The following DNAH6 variants were observed in gnomAD, a reference collection of about 807,000 sequenced individuals.
The protein encoded by DNAH6 is dynein axonemal heavy chain 6.
DNAH6 carries 340 observed loss-of-function variants against 491.4 expected under a neutral mutation model. The observed-to-expected ratio is 0.69, with a 90% CI of 0.63 to 0.76. DNAH6 has a LOEUF of 0.76. Ranked by LOEUF, DNAH6 falls within the 30% of genes least tolerant of loss-of-function variation. DNAH6 has a pLI of 0.00. For missense variants in DNAH6, 4,443 were observed against 4,972.2 expected (o/e 0.89, Z 3.20); for synonymous variants, 1,603 against 1,686.1 (o/e 0.95, Z 1.21).
chr2:84,565,328 C>CT lies in DNAH6; in HGVS notation c.1803+7404dup, dbSNP rs34618591. Among the ~76,000 whole-genome samples, 174 of 147,410 alleles carry CT rather than the reference C, an allele frequency of 1.2e-3. 1 individual carries two copies. Among genetic ancestry groups the CT allele is most frequent in the African/African-American group, 3.8e-3 (152 of 39,968 alleles). ...GACTGTGAATCCATCTGGTCCAGGGCTTTTTTTTTTTGTAGTTTTTTTATA... is the reference window on the plus strand; with the variant it reads ...GACTGTGAATCCATCTGGTCCAGGGCTTTTTTTTTTTTGTAGTTTTTTTATA... On this transcript the variant is annotated intron_variant, in intron 11 of 76. Coordinates refer to ENST00000389394, the MANE Select transcript of DNAH6 (RefSeq NM_001370.2).
chr2:84,693,080 C>T (rs1236752483), intron 45 of DNAH6, among the ~76,000 whole-genome samples: 1 of 152,076 alleles, frequency 6.6e-6, no homozygotes. Flanking sequence ...GGTTCAGTCC[C>T]AGTGGTTTCT....
At position 84,813,859 on chromosome 2, in the gene DNAH6, T is replaced by G; in HGVS notation, c.11999-112T>G. 5 of 1,076,586 alleles carry G rather than the reference T, an allele frequency of 4.6e-6. No individual in the cohort carries two copies. The Admixed American group carries it at 6.9e-5, about 15-fold the overall frequency. 66.7% of individuals were successfully genotyped at this position (1,076,586 alleles called of 1,614,324 possible). ...AAGGTATTAAGAGTTGGGTCTTCTCTGTGGTGGGAAGGCTCTCTAATGCCA... is the reference window on the plus strand; with the variant it reads ...AAGGTATTAAGAGTTGGGTCTTCTCGGTGGTGGGAAGGCTCTCTAATGCCA... On this transcript the variant is annotated intron_variant, in intron 74 of 76. Coordinates refer to ENST00000389394, the MANE Select transcript of DNAH6 (RefSeq NM_001370.2).
intron 64 of DNAH6, chr2:84,777,801 T>C: frequency 1.8e-6 from 2 of 1,109,844 alleles, no homozygotes; most frequent in Non-Finnish European, 2.8e-6. Flanking sequence ...AAGCCACTTA[T>C]CTTCCAAGCC....
At chr2:84,609,666 C>T (rs1264049570) in intron 21 of DNAH6, among the ~76,000 whole-genome samples, 1 of 130,256 alleles carries the variant, frequency 7.7e-6, no homozygotes, top group Non-Finnish European at 1.8e-5. Flanking sequence ...ATCACCATAA[C>T]AGATATAATA....
intron 18 of DNAH6, 106 bp from the exon 19 acceptor site, chr2:84,604,233 G>T: frequency 1.2e-6 from 1 of 819,028 alleles, no homozygotes. Context: ...AAGAGGGTAA[G>T]TGGTGCTCTT....
chr2:84,570,369 C>A (rs1202208551), intron 11 of DNAH6, among the ~76,000 whole-genome samples: 5 of 152,166 alleles, frequency 3.3e-5, no homozygotes, highest in Non-Finnish European at 5.9e-5. Context: ...CTGTGTCTAG[C>A]TAGAGGATTG....
the DNAH6 span, among the ~76,000 whole-genome samples, chr2:84,468,806 T>C: frequency 6.6e-6 from 1 of 152,190 alleles, no homozygotes; most frequent in Non-Finnish European, 1.5e-5. Context: ...TATGATTTTT[T>C]AGAGCTAACT....
At chr2:84,648,775 T>A (rs1323506629) in intron 33 of DNAH6, among the ~76,000 whole-genome samples, 3 of 152,176 alleles carry the variant, frequency 2.0e-5, no homozygotes, top group Non-Finnish European at 2.9e-5. Flanking sequence ...GCTGTGAACG[T>A]TGTTAAAATG....
intron 52 of DNAH6, 65 bp downstream of exon 52, chr2:84,705,812 C>T (rs1258886910): frequency 1.4e-6 from 2 of 1,480,016 alleles, no homozygotes; most frequent in Non-Finnish European, 1.8e-6. Context: ...ATTTCAAGTT[C>T]TCTGTATAAT....
At chr2:84,490,813 C>G in the DNAH6 span, among the ~76,000 whole-genome samples, 1 of 152,126 alleles carries the variant, frequency 6.6e-6, no homozygotes. Context: ...CCACCCACCT[C>G]CACCTCCCAA....
the DNAH6 span, among the ~76,000 whole-genome samples, chr2:84,479,189 T>A: frequency 6.6e-6 from 1 of 152,206 alleles, no homozygotes; most frequent in Non-Finnish European, 1.5e-5. Flanking sequence ...AGGCACAGGA[T>A]CGGGTTCAGG....
intron 68 of DNAH6, among the ~76,000 whole-genome samples, chr2:84,788,374 A>G (rs1677418561): frequency 6.6e-6 from 1 of 152,210 alleles, no homozygotes; most frequent in Non-Finnish European, 1.5e-5. Flanking sequence ...GTAAAAAGTA[A>G]TTTGCCAGAC....
the DNAH6 span, among the ~76,000 whole-genome samples, chr2:84,510,064 CT>C: frequency 6.6e-6 from 1 of 152,096 alleles, no homozygotes; most frequent in African/African-American, 2.4e-5. Context: ...TGGAGTTGCT[CT>C]TCTCAAGGAG....
intron 46 of DNAH6, among the ~76,000 whole-genome samples, chr2:84,695,083 A>C (rs2104797619): frequency 6.6e-6 from 1 of 152,314 alleles, no homozygotes; most frequent in South Asian, 2.1e-4. Flanking sequence ...AATACAAAGA[A>C]AAAATTGGAA....
At chr2:84,550,222 A>G (rs1224489863) in intron 9 of DNAH6, among the ~76,000 whole-genome samples, 165 bp downstream of exon 9, 7 of 152,146 alleles carry the variant, frequency 4.6e-5, no homozygotes, top group Non-Finnish European at 1.0e-4. Flanking sequence ...TTCATGGAAG[A>G]TAATTTTTTC....
intron 42 of DNAH6, among the ~76,000 whole-genome samples, chr2:84,683,175 A>G (rs1319822267): frequency 6.6e-6 from 1 of 152,084 alleles, no homozygotes; most frequent in East Asian, 1.9e-4. Flanking sequence ...TTCTCTGCAT[A>G]TATGTGTGTT....
chr2:84,645,465 G>T (rs1311052841), intron 33 of DNAH6, among the ~76,000 whole-genome samples: 1 of 152,004 alleles, frequency 6.6e-6, no homozygotes, highest in Non-Finnish European at 1.5e-5. Flanking sequence ...GACATGAGAT[G>T]GTATCACATT....
At chr2:84,787,794 C>G (rs1406188827) in intron 68 of DNAH6, among the ~76,000 whole-genome samples, 1 of 152,012 alleles carries the variant, frequency 6.6e-6, no homozygotes, top group African/African-American at 2.4e-5. Flanking sequence ...TCAGATATAC[C>G]TGTAAAAAAG....
At chr2:84,461,268 T>C in the DNAH6 span, among the ~76,000 whole-genome samples, 131 of 152,310 alleles carry the variant, frequency 8.6e-4, no homozygotes, top group Admixed American at 2.0e-3. Flanking sequence ...AAAACTGTAA[T>C]TTTAAGTTGG....
Sources: allele counts gnomAD v4.1 joint callset (sites outside exome capture counted in the v4.1 genomes callset), GRCh38; gene constraint gnomAD v4.1.1; transcripts MANE v1.5; gene names NCBI Gene and HGNC (gene_info 2026-07-23, HGNC 2026-07-21).